The following CYSLTR2 variants were observed in gnomAD, a reference collection of about 807,000 sequenced individuals.
CYSLTR2 encodes G-protein coupled receptor GPCR21.
For synonymous variants in CYSLTR2, 179 were observed against 160.8 expected, an observed-to-expected ratio of 1.11 and a Z score of -0.86; for missense variants, 398 against 411.9, an observed-to-expected ratio of 0.97 and a Z score of 0.29.
intron 1 of CYSLTR2, among the ~76,000 whole-genome samples, chr13:48,658,139 G>A (rs962829338): frequency 6.6e-6 from 1 of 152,116 alleles, no homozygotes; most frequent in Non-Finnish European, 1.5e-5. Context: ...TTGGCACAGA[G>A]TCAGAGAAAC....
intron 1 of CYSLTR2, among the ~76,000 whole-genome samples, chr13:48,685,181 G>A (rs1593985115): frequency 6.6e-6 from 1 of 152,192 alleles, no homozygotes; most frequent in East Asian, 1.9e-4. Context: ...TACTCATGGT[G>A]GAAGGTGAAG....
chr13:48,660,705 G>A (rs1338798889), intron 1 of CYSLTR2, among the ~76,000 whole-genome samples: 1 of 152,134 alleles, frequency 6.6e-6, no homozygotes, highest in Non-Finnish European at 1.5e-5. Flanking sequence ...AATTCTGAAA[G>A]CACAAGACCG....
At chr13:48,690,905 G>A (rs1954022071) in intron 1 of CYSLTR2, among the ~76,000 whole-genome samples, 1 of 151,976 alleles carries the variant, frequency 6.6e-6, no homozygotes, top group South Asian at 2.1e-4. Flanking sequence ...TGGTTGGTAG[G>A]CTATTAATTA....
At chr13:48,683,829 C>T (rs1593982006) in intron 1 of CYSLTR2, among the ~76,000 whole-genome samples, 1 of 152,040 alleles carries the variant, frequency 6.6e-6, no homozygotes, top group South Asian at 2.1e-4. Context: ...AATTTTTAAC[C>T]CAGAATTCTG....
chr13:48,654,771 A>T (rs139902294), intron 1 of CYSLTR2, among the ~76,000 whole-genome samples: 1 of 152,154 alleles, frequency 6.6e-6, no homozygotes, highest in African/African-American at 2.4e-5. Context: ...TTAGAAAATT[A>T]CCCCTAGAAT....
chr13:48,697,656 G>A lies in CYSLTR2; in HGVS notation c.-2+1030G>A, dbSNP rs146203487. ...TGCCAGCAACGGAACAAAGCTGGAC[G>A]GAGAATGACTTTGAAGAGTTGAGAG... On this transcript the variant is annotated intron_variant, in intron 4 of 4. Coordinates refer to ENST00000682523, the MANE Select transcript of CYSLTR2 (RefSeq NM_001308476.3). Among the ~76,000 whole-genome samples, 675 of 152,330 alleles carry A rather than the reference G, an allele frequency of 4.4e-3. 3 individuals carry two copies. Among genetic ancestry groups the A allele is most frequent in the Middle Eastern group, 0.014 (4 of 294 alleles).
chr13:48,694,962 A>G (rs1197306057), intron 3 of CYSLTR2, among the ~76,000 whole-genome samples: 1 of 151,544 alleles, frequency 6.6e-6, no homozygotes, highest in African/African-American at 2.4e-5. Flanking sequence ...CCATTTGGAG[A>G]TAATTAAAAA....
chr13:48,668,113 C>T (rs9595958), intron 1 of CYSLTR2, among the ~76,000 whole-genome samples: 27,282 of 152,000 alleles, frequency 0.18, 3,444 homozygotes, highest in African/African-American at 0.36. Context: ...ACTGTCCATT[C>T]CCCATGAAAA....
chr13:48,662,592 T>A (rs745326393), intron 1 of CYSLTR2, among the ~76,000 whole-genome samples: 35 of 152,180 alleles, frequency 2.3e-4, no homozygotes, highest in Non-Finnish European at 3.8e-4. Flanking sequence ...AGTTGCAAAA[T>A]CATCACTGAT....
chr13:48,656,809 G>A (rs141187098), intron 1 of CYSLTR2, among the ~76,000 whole-genome samples: 2 of 152,252 alleles, frequency 1.3e-5, no homozygotes, highest in East Asian at 3.9e-4. Context: ...GCCTCACAAG[G>A]GATTGTGCAA....
intron 2 of CYSLTR2, among the ~76,000 whole-genome samples, chr13:48,691,963 A>T (rs1009532890): frequency 3.9e-5 from 6 of 152,172 alleles, no homozygotes; most frequent in South Asian, 4.1e-4. Flanking sequence ...AAATCTAATT[A>T]TTCCCATTGT....
At chr13:48,697,009 G>A (rs1954207999) in intron 4 of CYSLTR2, among the ~76,000 whole-genome samples, 1 of 152,178 alleles carries the variant, frequency 6.6e-6, no homozygotes, top group Non-Finnish European at 1.5e-5. Context: ...CAAAGCAGTT[G>A]GGAAGCTCTA....
intron 4 of CYSLTR2, among the ~76,000 whole-genome samples, chr13:48,705,422 G>A (rs1455885626): frequency 6.6e-6 from 1 of 151,852 alleles, no homozygotes; most frequent in Admixed American, 6.6e-5. Context: ...AATTATTGAT[G>A]AATGAGGGAT....
In CYSLTR2 at chr13:48,675,028, C is replaced by T. The variant is rs181772849; in HGVS notation, c.-265-16184C>T. 2.7e-3 allele frequency among the ~76,000 whole-genome samples: 405 copies of T among 152,278 alleles called. 6 individuals are homozygous for T. The highest frequency in any genetic ancestry group is 4.7e-4 in the Non-Finnish European group (32 of 68,016). On this transcript the variant is annotated intron_variant, in intron 1 of 4. Transcript: ENST00000682523. ...TCCCAGAGGGACACCTGCCAGATGC[C>T]AGCCAGAGCTCTCCTGTATGAGGTG... is the stretch of plus-strand genomic sequence containing the variant.
intron 4 of CYSLTR2, among the ~76,000 whole-genome samples, chr13:48,705,462 A>G (rs997989683): frequency 6.0e-5 from 9 of 150,990 alleles, no homozygotes; most frequent in Admixed American, 4.0e-4. Flanking sequence ...TTCTGTTTTT[A>G]TTATCTGTTT....
chr13:48,700,073 C>T (rs888333700), intron 4 of CYSLTR2, among the ~76,000 whole-genome samples: 4 of 152,138 alleles, frequency 2.6e-5, no homozygotes, highest in Non-Finnish European at 5.9e-5. Context: ...GATTCACAGC[C>T]GAATTCTACC....
chr13:48,698,128 C>T (rs926689694), intron 4 of CYSLTR2, among the ~76,000 whole-genome samples: 1 of 152,168 alleles, frequency 6.6e-6, no homozygotes, highest in African/African-American at 2.4e-5. Flanking sequence ...CTTCCCCAAC[C>T]TAGCGAGGCA....
At chr13:48,676,822 A>G (rs1201108323) in intron 1 of CYSLTR2, among the ~76,000 whole-genome samples, 1 of 152,260 alleles carries the variant, frequency 6.6e-6, no homozygotes, top group Non-Finnish European at 1.5e-5. Context: ...AATAGAGATA[A>G]CAATGCCAAT....
intron 4 of CYSLTR2, among the ~76,000 whole-genome samples, chr13:48,703,601 C>T (rs1277997814): frequency 6.6e-6 from 1 of 152,088 alleles, no homozygotes; most frequent in East Asian, 1.9e-4. Context: ...TAATTCTTTT[C>T]ATATATTGCT....
Sources: allele counts gnomAD v4.1 joint callset (sites outside exome capture counted in the v4.1 genomes callset), GRCh38; gene constraint gnomAD v4.1.1; transcripts MANE v1.5; gene names NCBI Gene and HGNC (gene_info 2026-07-23, HGNC 2026-07-21).